LGMN: variants seen among roughly 807,000 people sequenced by gnomAD.
LGMN encodes asparaginyl endopeptidase.
A neutral mutation model predicts 56.8 loss-of-function variants in LGMN; 36 were observed. That is an observed-to-expected ratio of 0.63 (90% CI 0.49 to 0.84). The LOEUF is 0.84. LGMN is among the 40% of genes least tolerant of loss of function. The pLI, the probability that LGMN is intolerant of heterozygous loss-of-function variation, is 0.00. For missense variants in LGMN, 446 were observed against 556.1 expected (o/e 0.80, Z 1.99); for synonymous variants, 199 against 210.1 (o/e 0.95, Z 0.46).
chr14:92,713,779 TCA>T, intron 7 of LGMN, 42 bp downstream of exon 7: 1 of 1,438,626 alleles, frequency 7.0e-7, no homozygotes, highest in Non-Finnish European at 9.8e-7. Flanking sequence ...ACGGCTTTCC[TCA>T]CACCCCCCGC....
chr14:92,743,434 C>T (rs930341689), intron 1 of LGMN, among the ~76,000 whole-genome samples: 28 of 151,470 alleles, frequency 1.8e-4, no homozygotes, highest in African/African-American at 4.6e-4. Flanking sequence ...ACCCGGGAGG[C>T]GGAGCTTGCA....
At chr14:92,743,525 G>A (rs1219162422) in intron 1 of LGMN, among the ~76,000 whole-genome samples, 4 of 151,810 alleles carry the variant, frequency 2.6e-5, no homozygotes, top group Admixed American at 2.6e-4. Context: ...ATCCAGGCCT[G>A]GTGTGGTGGC....
intron 3 of LGMN, among the ~76,000 whole-genome samples, 180 bp downstream of exon 3, chr14:92,718,567 G>A (rs1890187945): frequency 6.6e-6 from 1 of 151,022 alleles, no homozygotes; most frequent in Non-Finnish European, 1.5e-5. Context: ...GAGCAAGACT[G>A]TCTCAAATAA....
At chr14:92,746,978 G>C (rs1891847638) in intron 1 of LGMN, among the ~76,000 whole-genome samples, 1 of 149,388 alleles carries the variant, frequency 6.7e-6, no homozygotes. Context: ...GGAGCTTGCA[G>C]TGAGCCGAGA....
At chr14:92,745,636 T>C (rs1891782984) in intron 1 of LGMN, among the ~76,000 whole-genome samples, 3 of 152,216 alleles carry the variant, frequency 2.0e-5, no homozygotes, top group Admixed American at 2.0e-4. Flanking sequence ...TTAGGCTGTT[T>C]CCAATTTTTT....
intron 4 of LGMN, among the ~76,000 whole-genome samples, chr14:92,717,174 C>T (rs1288428762): frequency 6.6e-6 from 1 of 152,180 alleles, no homozygotes; most frequent in Non-Finnish European, 1.5e-5. Context: ...CAGTGGATTG[C>T]AACTTATTCT....
chr14:92,724,865 T>C (rs1318287866), intron 2 of LGMN, among the ~76,000 whole-genome samples: 2 of 152,174 alleles, frequency 1.3e-5, no homozygotes, highest in Admixed American at 6.5e-5. Flanking sequence ...CATGTCACAG[T>C]TGCTGTAAAG....
chr14:92,737,795 G>A (rs1891371046), intron 1 of LGMN, among the ~76,000 whole-genome samples: 1 of 152,214 alleles, frequency 6.6e-6, no homozygotes, highest in African/African-American at 2.4e-5. Context: ...AAAAGAATAG[G>A]TTATGTTCCA....
At chr14:92,720,943 T>C (rs1566925804) in intron 2 of LGMN, among the ~76,000 whole-genome samples, 1 of 151,842 alleles carries the variant, frequency 6.6e-6, no homozygotes, top group Non-Finnish European at 1.5e-5. Flanking sequence ...CAGGCGGGAG[T>C]GCACAGGTGC....
chr14:92,732,879 G>A (rs888027496), intron 1 of LGMN, 64 bp from the exon 2 acceptor site: 48 of 1,332,346 alleles, frequency 3.6e-5, no homozygotes, highest in African/African-American at 7.4e-5. Context: ...GGCTGGGCGC[G>A]GTGGCTCACA....
intron 11 of LGMN, among the ~76,000 whole-genome samples, chr14:92,707,718 AG>A (rs1169708102): frequency 6.6e-6 from 1 of 152,256 alleles, no homozygotes. Context: ...TTTAAATCTT[AG>A]TTTTAATTTT....
At chr14:92,742,969 G>A (rs1190269282) in intron 1 of LGMN, 2 of 151,604 alleles carry the variant, frequency 1.3e-5, no homozygotes, top group African/African-American at 4.9e-5. Flanking sequence ...GGGAAGTCAA[G>A]GCTATAGTGA....
chr14:92,748,214 C>G (rs1891901899), intron 1 of LGMN, among the ~76,000 whole-genome samples: 1 of 152,028 alleles, frequency 6.6e-6, no homozygotes, highest in Non-Finnish European at 1.5e-5. Flanking sequence ...TCAGTTTCCC[C>G]CTCCAGAGCA....
chr14:92,705,671 A>G (rs2140198503), intron 12 of LGMN, among the ~76,000 whole-genome samples: 1 of 152,066 alleles, frequency 6.6e-6, no homozygotes, highest in African/African-American at 2.4e-5. Flanking sequence ...TCTGTCGCCC[A>G]GGCTGGAGTA....
chr14:92,727,947 TTTA>T (rs1566929766), intron 2 of LGMN, among the ~76,000 whole-genome samples: 1 of 152,194 alleles, frequency 6.6e-6, no homozygotes, highest in East Asian at 1.9e-4. Flanking sequence ...TCAAGTCTGT[TTTA>T]ATGCTCAGAA....
chr14:92,707,128 G>C (rs8012639), intron 11 of LGMN, among the ~76,000 whole-genome samples: 96,009 of 151,476 alleles, frequency 0.63, 30,656 homozygotes, highest in East Asian at 0.76. Flanking sequence ...CAGTGGCTCA[G>C]GCCTGTACTC....
At position 92,703,998 on chromosome 14, in the gene LGMN, T is replaced by G; in HGVS notation, c.*321A>C. Reference sequence around the variant, plus strand: ...AAATTCTCAGAATAAAGACTCCTTTTGAGAGGGGCTACAGAAGCCCCCATG... The same window carrying G: ...AAATTCTCAGAATAAAGACTCCTTTGGAGAGGGGCTACAGAAGCCCCCATG... On this transcript the variant is annotated 3_prime_UTR_variant, in exon 14 of 14. Transcript: ENST00000334869. The G allele has an allele frequency of 1.6e-6, 1 of 644,106 alleles. No homozygotes were observed. The highest frequency in any genetic ancestry group is 2.8e-6 in the Non-Finnish European group (1 of 363,570). 39.9% of individuals were successfully genotyped at this position (644,106 alleles called of 1,614,324 possible).
intron 1 of LGMN, among the ~76,000 whole-genome samples, chr14:92,747,067 A>G (rs1891854998): frequency 6.8e-6 from 1 of 147,526 alleles, no homozygotes; most frequent in African/African-American, 2.5e-5. Flanking sequence ...TCTACCACCC[A>G]CATGAAATCC....
intron 2 of LGMN, among the ~76,000 whole-genome samples, chr14:92,724,678 T>G (rs1280506933): frequency 6.6e-6 from 1 of 152,228 alleles, no homozygotes; most frequent in East Asian, 1.9e-4. Context: ...AAACAGAGAT[T>G]GTGACTTGGC....
Sources: allele counts gnomAD v4.1 joint callset (sites outside exome capture counted in the v4.1 genomes callset), GRCh38; gene constraint gnomAD v4.1.1; transcripts MANE v1.5; gene names NCBI Gene and HGNC (gene_info 2026-07-23, HGNC 2026-07-21).